The following NTM variants were observed in gnomAD, a reference collection of about 807,000 sequenced individuals.
The protein encoded by NTM is neurotrimin.
A neutral mutation model predicts 42.1 loss-of-function variants in NTM; 13 were observed. The observed-to-expected ratio is 0.31, with a 90% CI of 0.20 to 0.49. The LOEUF (loss-of-function observed/expected upper bound fraction) is 0.49. Among genes scored for constraint, NTM ranks in the 20% least tolerant of loss-of-function variants. NTM has a pLI of 0.99. For synonymous variants in NTM, 187 were observed against 179.2 expected (o/e 1.04, Z -0.35); for missense variants, 373 against 452.8 (o/e 0.82, Z 1.60).
At chr11:131,584,374 A>G (rs370444743) in intron 1 of NTM, among the ~76,000 whole-genome samples, 11 of 152,178 alleles carry the variant, frequency 7.2e-5, no homozygotes, top group African/African-American at 2.7e-4. Flanking sequence ...TACGAAGATT[A>G]ATTAGAAGCG....
intron 2 of NTM, among the ~76,000 whole-genome samples, chr11:131,944,297 G>A (rs2060120549): frequency 6.6e-6 from 1 of 152,178 alleles, no homozygotes; most frequent in Admixed American, 6.5e-5. Flanking sequence ...TAATCCTTCT[G>A]CTCATATTGC....
chr11:131,833,497 A>T (rs532877497), intron 1 of NTM, among the ~76,000 whole-genome samples: 1 of 152,354 alleles, frequency 6.6e-6, no homozygotes, highest in Admixed American at 6.5e-5. Flanking sequence ...ACAGCCAGTA[A>T]GTGACAAAGG....
intron 1 of NTM, among the ~76,000 whole-genome samples, chr11:131,813,136 C>T (rs1319991427): frequency 2.0e-5 from 3 of 152,172 alleles, no homozygotes; most frequent in Non-Finnish European, 4.4e-5. Flanking sequence ...CGGGGGTGCT[C>T]ACTGTCATTC....
At chr11:132,277,530 CTAGCCCAATG>C (rs1437015106) in intron 4 of NTM, among the ~76,000 whole-genome samples, 1 of 152,158 alleles carries the variant, frequency 6.6e-6, no homozygotes, top group Non-Finnish European at 1.5e-5. Flanking sequence ...CTCTCAGTTC[CTAGCCCAATG>C]TCTCACAGAG....
At chr11:131,667,182 G>A (rs1381236770) in intron 1 of NTM, among the ~76,000 whole-genome samples, 2 of 152,254 alleles carry the variant, frequency 1.3e-5, no homozygotes, top group African/African-American at 4.8e-5. Flanking sequence ...CCTTAAAGAG[G>A]AGGACCCCAA....
intron 1 of NTM, among the ~76,000 whole-genome samples, chr11:131,762,139 C>G (rs1019833470): frequency 1.3e-5 from 2 of 152,234 alleles, no homozygotes; most frequent in Non-Finnish European, 2.9e-5. Flanking sequence ...CATTTGTTAT[C>G]AAAGCCCCAG....
chr11:131,762,144 C>T (rs1051410936), intron 1 of NTM, among the ~76,000 whole-genome samples: 1 of 152,240 alleles, frequency 6.6e-6, no homozygotes, highest in African/African-American at 2.4e-5. Flanking sequence ...GTTATCAAAG[C>T]CCCAGCACTT....
chr11:132,109,647 T>G (rs2062896545), intron 2 of NTM, among the ~76,000 whole-genome samples: 1 of 150,256 alleles, frequency 6.7e-6, no homozygotes, highest in African/African-American at 2.5e-5. Flanking sequence ...CTCACCTCCA[T>G]GTCCACTGTG....
chr11:131,457,691 A>G (rs931231104), intron 1 of NTM, among the ~76,000 whole-genome samples: 1 of 152,066 alleles, frequency 6.6e-6, no homozygotes, highest in African/African-American at 2.4e-5. Flanking sequence ...TTTTGGAATC[A>G]TATGTGCAAT....
chr11:132,306,880 A>G (rs1023957240), intron 4 of NTM, among the ~76,000 whole-genome samples: 2 of 152,198 alleles, frequency 1.3e-5, no homozygotes, highest in Admixed American at 1.3e-4. Context: ...TGGTCTTTCA[A>G]TAACTGAGTG....
intron 1 of NTM, among the ~76,000 whole-genome samples, chr11:131,521,662 AG>A (rs2049745057): frequency 6.6e-6 from 1 of 152,030 alleles, no homozygotes; most frequent in South Asian, 2.1e-4. Flanking sequence ...AACATTCAAG[AG>A]GGATCCACCT....
intron 1 of NTM, among the ~76,000 whole-genome samples, chr11:131,418,941 C>A (rs77141912): frequency 0.016 from 2,374 of 152,198 alleles, 26 homozygotes; most frequent in Middle Eastern, 0.061. Context: ...TCTTTCATTG[C>A]CAAGTGGGGA....
At chr11:132,169,320 C>CTTGTTTTTTTTTTTTTTTTTTTTTT (rs2075776225) in intron 3 of NTM, among the ~76,000 whole-genome samples, 1 of 32,358 alleles carries the variant, frequency 3.1e-5, no homozygotes, top group Non-Finnish European at 5.4e-5. Context: ...AATTTTTTTA[C>CTTGTTTTTTTTTTTTTTTTTTTTTT]TTTTTTTTTT....
chr11:131,490,904 G>A (rs1186953499), intron 1 of NTM, among the ~76,000 whole-genome samples: 3 of 152,168 alleles, frequency 2.0e-5, no homozygotes, highest in Non-Finnish European at 4.4e-5. Flanking sequence ...TCCTGTCTAT[G>A]CATATTACAT....
chr11:131,487,992 G>A (rs143134429), intron 1 of NTM, among the ~76,000 whole-genome samples: 2 of 152,284 alleles, frequency 1.3e-5, no homozygotes, highest in East Asian at 1.9e-4. Context: ...CTGGTAGTGG[G>A]GAAGAGTTTG....
intron 3 of NTM, among the ~76,000 whole-genome samples, chr11:132,188,229 T>C (rs2138196163): frequency 6.6e-6 from 1 of 151,794 alleles, no homozygotes; most frequent in East Asian, 1.9e-4. Context: ...CAACAAAGAG[T>C]CATCCAGCCC....
At chr11:131,770,334 G>A (rs1014305769) in intron 1 of NTM, among the ~76,000 whole-genome samples, 1 of 152,208 alleles carries the variant, frequency 6.6e-6, no homozygotes, top group African/African-American at 2.4e-5. Context: ...AGGAGCTGTA[G>A]CTCTAGACCT....
intron 1 of NTM, among the ~76,000 whole-genome samples, chr11:131,721,434 G>A (rs2078320935): frequency 1.3e-5 from 2 of 151,978 alleles, no homozygotes; most frequent in South Asian, 4.1e-4. Context: ...TCCTTCATTA[G>A]GTTTTTGTGA....
At chr11:131,767,238 G>A (rs2085268191) in intron 1 of NTM, 1 of 418,854 alleles carries the variant, frequency 2.4e-6, no homozygotes, top group Non-Finnish European at 3.2e-6. Context: ...TTACCTCATA[G>A]GATTGTTGTA....
Sources: gnomAD v4.1 joint callset for allele counts (sites outside exome capture counted in the v4.1 genomes callset) on GRCh38, gnomAD v4.1.1 for gene constraint, MANE v1.5 for transcripts, NCBI Gene and HGNC (gene_info 2026-07-23, HGNC 2026-07-21) for gene names.